The following ANKRD17 variants were observed in gnomAD, a reference collection of about 807,000 sequenced individuals.
The protein encoded by ANKRD17 is ankyrin repeat domain 17.
In ANKRD17, 19 loss-of-function variants were observed where a neutral mutation model predicts 229.7. That is an observed-to-expected ratio of 0.08 (90% CI 0.06 to 0.12). The LOEUF (loss-of-function observed/expected upper bound fraction) is 0.12. Ranked by LOEUF, ANKRD17 falls within the 10% of genes least tolerant of loss-of-function variation. The pLI is 1.00. For missense variants in ANKRD17, 2,176 were observed against 3,176.8 expected, an observed-to-expected ratio of 0.68 and a Z score of 7.57; for synonymous variants, 1,112 against 1,146.1, an observed-to-expected ratio of 0.97 and a Z score of 0.60.
At chr4:73,230,174 G>T (rs184841182) in intron 1 of ANKRD17, among the ~76,000 whole-genome samples, 1 of 152,010 alleles carries the variant, frequency 6.6e-6, no homozygotes, top group Non-Finnish European at 1.5e-5. Flanking sequence ...AATATCTAAA[G>T]GATATATGTA....
At chr4:73,181,424 A>G (rs961085220) in intron 1 of ANKRD17, among the ~76,000 whole-genome samples, 8 of 152,302 alleles carry the variant, frequency 5.3e-5, no homozygotes, top group African/African-American at 7.2e-5. Context: ...GCGAGGAAAA[A>G]GAGAACTTCC....
At position 73,154,539 on chromosome 4, in the gene ANKRD17, A is replaced by C. The variant is rs552545179; in HGVS notation, c.1001-426T>G. Reference sequence around the variant, plus strand: ...ACTCATCATATACATACTTTATACTATACCTTTTAATCATATATGTTTTCA... The same window carrying C: ...ACTCATCATATACATACTTTATACTCTACCTTTTAATCATATATGTTTTCA... On this transcript the variant is annotated intron_variant, in intron 5 of 33. Transcript: ENST00000358602. Among the ~76,000 whole-genome samples, 369 of 152,238 alleles carry C rather than the reference A, an allele frequency of 2.4e-3. 2 individuals carry two copies. Among genetic ancestry groups the C allele is most frequent in the South Asian group, 0.016 (77 of 4,830 alleles).
chr4:73,132,126 G>A (rs938585335), intron 16 of ANKRD17, among the ~76,000 whole-genome samples: 2 of 142,418 alleles, frequency 1.4e-5, no homozygotes, highest in African/African-American at 5.3e-5. Context: ...TTTTTTTTGA[G>A]ACAGAGTTTC....
intron 1 of ANKRD17, among the ~76,000 whole-genome samples, chr4:73,243,751 C>A (rs1289138380): frequency 6.6e-6 from 1 of 152,212 alleles, no homozygotes; most frequent in Non-Finnish European, 1.5e-5. Context: ...CATGGCCACT[C>A]AGCAAGAGCT....
intron 1 of ANKRD17, among the ~76,000 whole-genome samples, chr4:73,219,903 A>G (rs113583252): frequency 9.2e-5 from 14 of 152,202 alleles, no homozygotes; most frequent in African/African-American, 3.1e-4. Context: ...AAGGATGGAA[A>G]TATCTGTGAA....
chr4:73,134,498 G>A (rs1404162061), intron 16 of ANKRD17, among the ~76,000 whole-genome samples: 2 of 152,052 alleles, frequency 1.3e-5, no homozygotes, highest in Non-Finnish European at 2.9e-5. Flanking sequence ...ACCTTGCCCT[G>A]AGATTTCATG....
At chr4:73,131,512 C>T (rs1209843964) in intron 16 of ANKRD17, among the ~76,000 whole-genome samples, 1 of 152,166 alleles carries the variant, frequency 6.6e-6, no homozygotes, top group African/African-American at 2.4e-5. Flanking sequence ...GACAAATGAT[C>T]TCTTACCATC....
intron 27 of ANKRD17, among the ~76,000 whole-genome samples, chr4:73,094,643 C>G (rs56235322): frequency 6.6e-6 from 1 of 151,198 alleles, no homozygotes; most frequent in South Asian, 2.1e-4. Flanking sequence ...TGTGTACACA[C>G]ACACAAATGT....
chr4:73,152,527 A>C (rs892443104), intron 6 of ANKRD17, among the ~76,000 whole-genome samples: 5 of 152,092 alleles, frequency 3.3e-5, no homozygotes, highest in African/African-American at 4.8e-5. Context: ...GAAGTAGCAG[A>C]GATGTTCTCC....
chr4:73,124,980 A>G lies in ANKRD17; in HGVS notation c.3425T>C (p.Ile1142Thr). The change falls in exon 18 of 34, where the codon ATT becomes ACT. Residue 1142 changes from isoleucine to threonine, a missense_variant. Physicochemically the swap from Ile to Thr is moderately conservative, Grantham distance 89 (BLOSUM62 -1). Transcript: ENST00000358602. The stretch of plus-strand genomic sequence containing the variant: ...CTTGGTTCTTTCAGACTGGGCTTCA[A>G]TGTCTGCACCATTGTCCAGCAATAT... ...VEILLDNGAD[I>T]EAQSERTKDT... 6.2e-7 allele frequency: 1 copy of G among 1,614,182 alleles called. No individual in the cohort carries two copies. The highest frequency in any genetic ancestry group is 8.5e-7 in the Non-Finnish European group (1 of 1,180,042).
intron 24 of ANKRD17, among the ~76,000 whole-genome samples, chr4:73,104,837 G>A (rs1043882212): frequency 6.6e-6 from 1 of 152,066 alleles, no homozygotes; most frequent in Non-Finnish European, 1.5e-5. Context: ...AAGCCCATAT[G>A]TCCTAGATGT....
chr4:73,086,777 AG>A (rs1235546436), intron 29 of ANKRD17, among the ~76,000 whole-genome samples: 4 of 148,562 alleles, frequency 2.7e-5, no homozygotes, highest in Admixed American at 1.4e-4. Flanking sequence ...ACCTTTTATT[AG>A]CTTTTATAGA....
chr4:73,130,081 C>T (rs907873482), intron 16 of ANKRD17, among the ~76,000 whole-genome samples: 1 of 152,086 alleles, frequency 6.6e-6, no homozygotes, highest in African/African-American at 2.4e-5. Context: ...TTACTCTTAA[C>T]ATAATTAAAT....
chr4:73,193,895 G>A lies in ANKRD17; in HGVS notation c.394-16362C>T, dbSNP rs367900599. Among the ~76,000 whole-genome samples, 102 of 152,220 alleles carry A rather than the reference G, an allele frequency of 6.7e-4. 1 individual carries two copies. The South Asian group carries it at 0.02, about 30-fold the overall frequency. ...TGCAGTGACCCATGATTGCGACACT[G>A]CACTCTAGCCTGGGTGACAGAGTGA... On this transcript the variant is annotated intron_variant, in intron 1 of 33. Coordinates refer to ENST00000358602, the MANE Select transcript of ANKRD17 (RefSeq NM_032217.5).
intron 23 of ANKRD17, among the ~76,000 whole-genome samples, chr4:73,115,402 T>A (rs747285825): frequency 2.6e-5 from 4 of 152,172 alleles, no homozygotes; most frequent in Non-Finnish European, 5.9e-5. Context: ...GCGATTTTCG[T>A]GCCTCAGCCT....
intron 25 of ANKRD17, among the ~76,000 whole-genome samples, chr4:73,101,533 C>T (rs1261431136): frequency 6.6e-6 from 1 of 151,818 alleles, no homozygotes. Context: ...GACATGGTGG[C>T]ACGTCCCTGT....
Position 73,167,983 on chromosome 4 carries a change from T to A in ANKRD17, c.548-6635A>T, listed in dbSNP as rs1220897702. ...CTGGCTAACGCAGCGAAACCCCGTCTGTACTAAAAATACAAAAAATTAGCC... is the reference window on the plus strand; with the variant it reads ...CTGGCTAACGCAGCGAAACCCCGTCAGTACTAAAAATACAAAAAATTAGCC... On this transcript the variant is annotated intron_variant, in intron 2 of 33. Coordinates refer to ENST00000358602, the MANE Select transcript of ANKRD17 (RefSeq NM_032217.5). Among the ~76,000 whole-genome samples, 3 of 152,176 alleles carry A rather than the reference T, an allele frequency of 2.0e-5. No homozygotes were observed. The East Asian group carries it at 5.8e-4, about 30-fold the overall frequency.
chr4:73,139,741 G>A lies in ANKRD17; in HGVS notation c.2875C>T (p.Pro959Ser). 6.2e-7 allele frequency: 1 copy of A among 1,614,190 alleles called. No homozygotes were observed. The highest frequency in any genetic ancestry group is 8.5e-7 in the Non-Finnish European group (1 of 1,180,030). ...CCTGCCGCCAGAGGCAAAGCTTGAGGCATCGCCAGAGGCTGGATTGGCGCA... is the reference window on the plus strand; with the variant it reads ...CCTGCCGCCAGAGGCAAAGCTTGAGACATCGCCAGAGGCTGGATTGGCGCA... The part of the protein sequence containing the change: ...GFAPIQPLAM[P>S]QALPLAAGPL... Residue 959 changes from proline to serine, a missense_variant, in exon 15 of 34, where the codon CCT becomes TCT. This residue lies in a region of ANKRD17 where 230 missense variants were observed against 252.3 expected (regional missense o/e 0.91). Transcript: ENST00000358602.
chr4:73,214,978 T>A (rs946145207), intron 1 of ANKRD17, among the ~76,000 whole-genome samples: 1 of 152,040 alleles, frequency 6.6e-6, no homozygotes, highest in African/African-American at 2.4e-5. Context: ...ACGGTAGCTG[T>A]CTCAAGAAAA....
Sources: gnomAD v4.1 joint callset for allele counts (sites outside exome capture counted in the v4.1 genomes callset) on GRCh38, gnomAD v4.1.1 for gene constraint, gnomAD v4.1.1 regional missense constraint, MANE v1.5 for transcripts, NCBI Gene and HGNC (gene_info 2026-07-23, HGNC 2026-07-21) for gene names.